C8orf34: variants seen among roughly 807,000 people sequenced by gnomAD.
C8orf34 encodes uncharacterized protein C8orf34.
A neutral mutation model predicts 68.3 loss-of-function variants in C8orf34; 65 were observed. The observed-to-expected ratio is 0.95, with a 90% CI of 0.78 to 1.17. C8orf34 has a LOEUF of 1.17. C8orf34 is among the 50% of genes most tolerant of loss of function. The pLI is 0.00. For missense variants in C8orf34, 664 were observed against 655.4 expected (o/e 1.01, Z -0.14); for synonymous variants, 244 against 241.2 (o/e 1.01, Z -0.11).
At chr8:68,651,604 G>A (rs1408043464) in intron 8 of C8orf34, among the ~76,000 whole-genome samples, 2 of 152,186 alleles carry the variant, frequency 1.3e-5, no homozygotes, top group Admixed American at 1.3e-4. Context: ...CTTTGCAGCA[G>A]CATGGATGAG....
intron 1 of C8orf34, among the ~76,000 whole-genome samples, chr8:68,383,224 A>G (rs967767986): frequency 2.6e-5 from 4 of 152,140 alleles, no homozygotes; most frequent in African/African-American, 9.7e-5. Context: ...TTCTAGTAAA[A>G]TTTTATTGAA....
chr8:68,757,040 C>T (rs899452942), intron 10 of C8orf34, among the ~76,000 whole-genome samples: 3 of 152,152 alleles, frequency 2.0e-5, no homozygotes, highest in African/African-American at 4.8e-5. Flanking sequence ...AAAAAGGTAT[C>T]TTAGCACACT....
chr8:68,447,473 C>T (rs1191057430), intron 3 of C8orf34: 1 of 152,158 alleles, frequency 6.6e-6, no homozygotes, highest in African/African-American at 2.4e-5. Flanking sequence ...TCAAAAATCT[C>T]AGGAGCCTCT....
chr8:68,421,792 T>G (rs535057184), intron 1 of C8orf34, among the ~76,000 whole-genome samples: 2 of 152,294 alleles, frequency 1.3e-5, no homozygotes, highest in African/African-American at 4.8e-5. Context: ...TACATGAGAC[T>G]GGGTAATTTA....
chr8:68,784,841 C>T (rs1439331856), intron 11 of C8orf34, among the ~76,000 whole-genome samples: 2 of 149,146 alleles, frequency 1.3e-5, no homozygotes, highest in Admixed American at 6.7e-5. Context: ...CGAGTACTTT[C>T]TTGCTTTTTG....
chr8:68,783,061 A>G (rs943147475), intron 11 of C8orf34, among the ~76,000 whole-genome samples: 3 of 130,210 alleles, frequency 2.3e-5, no homozygotes, highest in Admixed American at 2.2e-4. Flanking sequence ...AATAGAGAAC[A>G]TGTCTCAAAA....
At chr8:68,384,399 C>T (rs562294473) in intron 1 of C8orf34, among the ~76,000 whole-genome samples, 1 of 152,314 alleles carries the variant, frequency 6.6e-6, no homozygotes, top group South Asian at 2.1e-4. Flanking sequence ...GAATGCAGGG[C>T]AGTCTGTTTG....
intron 10 of C8orf34, among the ~76,000 whole-genome samples, chr8:68,727,292 T>C (rs554851285): frequency 6.6e-6 from 1 of 152,292 alleles, no homozygotes; most frequent in South Asian, 2.1e-4. Context: ...AGGTCTCACA[T>C]CCAAGTCACA....
At chr8:68,453,945 T>C (rs1441018513) in intron 3 of C8orf34, among the ~76,000 whole-genome samples, 1 of 152,046 alleles carries the variant, frequency 6.6e-6, no homozygotes, top group Non-Finnish European at 1.5e-5. Flanking sequence ...TTGAGAAAGT[T>C]CTCTTCTATT....
intron 7 of C8orf34, among the ~76,000 whole-genome samples, chr8:68,569,201 T>C (rs1485165176): frequency 2.0e-5 from 3 of 152,220 alleles, no homozygotes; most frequent in Non-Finnish European, 2.9e-5. Flanking sequence ...TGAGCCAGCA[T>C]CTCTAAAAAT....
intron 7 of C8orf34, among the ~76,000 whole-genome samples, chr8:68,605,524 A>C (rs1172307959): frequency 6.6e-6 from 1 of 151,670 alleles, no homozygotes; most frequent in Admixed American, 6.6e-5. Context: ...AGTATTTTTT[A>C]GCACTATAAA....
At chr8:68,332,925 A>AT (rs559122615) in intron 1 of C8orf34, among the ~76,000 whole-genome samples, 2 of 152,274 alleles carry the variant, frequency 1.3e-5, no homozygotes, top group African/African-American at 2.4e-5. Context: ...ATCCTATATA[A>AT]TTTTTTTAAA....
At chr8:68,376,629 T>C (rs1807813875) in intron 1 of C8orf34, among the ~76,000 whole-genome samples, 2 of 151,914 alleles carry the variant, frequency 1.3e-5, no homozygotes, top group Non-Finnish European at 2.9e-5. Flanking sequence ...TTTTAAATCA[T>C]TTTACTTCTC....
At chr8:68,744,569 G>A (rs1257670382) in intron 10 of C8orf34, among the ~76,000 whole-genome samples, 4 of 151,732 alleles carry the variant, frequency 2.6e-5, no homozygotes, top group South Asian at 2.1e-4. Flanking sequence ...ACCAAGGCTC[G>A]AGAACTACGT....
intron 4 of C8orf34, among the ~76,000 whole-genome samples, chr8:68,474,368 T>G (rs1189420772): frequency 6.6e-6 from 1 of 152,224 alleles, no homozygotes; most frequent in Non-Finnish European, 1.5e-5. Flanking sequence ...TGTTCATAAC[T>G]GATTAGTTAT....
intron 1 of C8orf34, among the ~76,000 whole-genome samples, chr8:68,403,075 A>G (rs1809028706): frequency 6.6e-6 from 1 of 152,140 alleles, no homozygotes; most frequent in Non-Finnish European, 1.5e-5. Flanking sequence ...CCAAATATCA[A>G]ATTACTTCTT....
chr8:68,597,550 G>GGTGGGC (rs1334870090), intron 7 of C8orf34, among the ~76,000 whole-genome samples: 2 of 146,732 alleles, frequency 1.4e-5, no homozygotes, highest in Non-Finnish European at 3.0e-5. Context: ...CTGCAGTTCA[G>GGTGGGC]GTAATACATC....
chr8:68,458,432 G>A (rs978670974), intron 3 of C8orf34, among the ~76,000 whole-genome samples: 1 of 151,752 alleles, frequency 6.6e-6, no homozygotes, highest in African/African-American at 2.4e-5. Flanking sequence ...AGATATCCAG[G>A]GATATTGACT....
At chr8:68,414,040 G>A (rs1176049116) in intron 1 of C8orf34, among the ~76,000 whole-genome samples, 4 of 152,052 alleles carry the variant, frequency 2.6e-5, no homozygotes, top group Admixed American at 6.6e-5. Flanking sequence ...CCTTTGCATG[G>A]ACTATTCTCT....
Sources: gnomAD v4.1 joint callset for allele counts (sites outside exome capture counted in the v4.1 genomes callset) on GRCh38, gnomAD v4.1.1 for gene constraint, MANE v1.5 for transcripts, NCBI Gene and HGNC (gene_info 2026-07-23, HGNC 2026-07-21) for gene names.